The following PPP2R2A variants were observed in gnomAD, a reference collection of about 807,000 sequenced individuals.
PPP2R2A encodes the protein protein phosphatase 2 regulatory subunit Balpha.
Under a neutral mutation model 53.2 loss-of-function variants are expected in PPP2R2A, and 9 were observed. The ratio of observed to expected loss-of-function variants is 0.17; its 90% CI spans 0.10 to 0.30. PPP2R2A has a LOEUF of 0.30. PPP2R2A is among the 10% of genes least tolerant of loss of function. PPP2R2A has a pLI of 1.00. For synonymous variants in PPP2R2A, 169 were observed against 174.2 expected (o/e 0.97, Z 0.23); for missense variants, 235 against 534.6 (o/e 0.44, Z 5.53).
At position 26,367,132 on chromosome 8, in the gene PPP2R2A, GGTGTT is replaced by G. The variant is rs1805416524; in HGVS notation, c.1064+731_1064+735del. Reference sequence around the variant, plus strand: ...GAGCTTAATATGATTCCGATTTCATGGTGTTGTGTGTTACAGAGGATAATAGAACT... The same window carrying G: ...GAGCTTAATATGATTCCGATTTCATGGTGTGTTACAGAGGATAATAGAACT... On this transcript the variant is annotated intron_variant, in intron 9 of 9. Transcript: ENST00000380737. 5.3e-5 allele frequency among the ~76,000 whole-genome samples: 8 copies of G among 152,074 alleles called. No individual in the cohort carries two copies. The South Asian group carries it at 1.7e-3, about 32-fold the overall frequency.
chr8:26,322,342 C>T (rs58828241), intron 2 of PPP2R2A, among the ~76,000 whole-genome samples: 4,038 of 152,238 alleles, frequency 0.027, 176 homozygotes, highest in African/African-American at 0.093. Flanking sequence ...GCATTGTGCA[C>T]GTTTCAGGTG....
chr8:26,352,351 CAAAGTGTTAGGA>C (rs1442094142), intron 3 of PPP2R2A, among the ~76,000 whole-genome samples: 3 of 152,200 alleles, frequency 2.0e-5, no homozygotes, highest in African/African-American at 7.2e-5. Context: ...CATCCCCTCC[CAAAGTGTTAGGA>C]AAAGTCTGCT....
chr8:26,299,217 G>A (rs1281618048), intron 2 of PPP2R2A, among the ~76,000 whole-genome samples: 3 of 151,708 alleles, frequency 2.0e-5, no homozygotes, highest in African/African-American at 7.3e-5. Context: ...GGCTGTGATT[G>A]TGCCACTGGT....
intron 3 of PPP2R2A, 124 bp downstream of exon 3, chr8:26,339,111 A>C (rs1252697122): frequency 1.4e-6 from 1 of 694,726 alleles, no homozygotes; most frequent in African/African-American, 1.8e-5. Flanking sequence ...ATTGAATACA[A>C]TGTCCAATAT....
In PPP2R2A at chr8:26,362,948, AAC is replaced by A. The variant is rs1805186402; in HGVS notation, c.802+101_802+102del. On this transcript the variant is annotated intron_variant, in intron 7 of 9. Transcript: ENST00000380737. The surrounding 1 kb of genome is among the most constrained non-coding windows in gnomAD (Gnocchi z 4.4). Reference sequence around the variant, plus strand: ...ACAATTACAGAGGTTCAAAGTCTTAAACCCGTGTGTCCAGAGCCACTTGTACC... The same window carrying A: ...ACAATTACAGAGGTTCAAAGTCTTAACCGTGTGTCCAGAGCCACTTGTACC... 1 of 1,188,458 alleles carries A rather than the reference AAC, an allele frequency of 8.4e-7. No individual in the cohort carries two copies. The highest frequency in any genetic ancestry group is 1.4e-5 in the South Asian group (1 of 73,420). The allele number at this position is 1,188,458 out of a possible 1,614,324, so 73.6% of individuals were successfully genotyped here. A position where few individuals can be genotyped will look rare whatever the true frequency, so the allele number is the denominator to read the frequency against.
intron 1 of PPP2R2A, 96 bp downstream of exon 1, chr8:26,291,922 C>A: frequency 6.5e-7 from 1 of 1,531,696 alleles, no homozygotes. Flanking sequence ...CGCGCAGAGC[C>A]ACAGGGCGCC....
rs1802845796 is a variant in PPP2R2A at position 26,321,621 on chromosome 8, A to C, written c.83-17269A>C. Among the ~76,000 whole-genome samples, 1 of 152,180 alleles carries C rather than the reference A, an allele frequency of 6.6e-6. No individual in the cohort carries two copies. The highest frequency in any genetic ancestry group is 2.4e-5 in the African/African-American group (1 of 41,454). On this transcript the variant is annotated intron_variant, in intron 2 of 9. Transcript: ENST00000380737. The surrounding 1 kb of genome is among the most constrained non-coding windows in gnomAD (Gnocchi z 4.1). ...TGGTTCCCTGTGGAGCTCACATGTC[A>C]AGGATCTGTTGTCTCTGGCCAACAG...
intron 2 of PPP2R2A, among the ~76,000 whole-genome samples, chr8:26,301,211 G>A (rs953167890): frequency 2.0e-5 from 3 of 151,796 alleles, no homozygotes; most frequent in Non-Finnish European, 4.4e-5. Context: ...TGCAACTCCT[G>A]TTTATAACAA....
intron 9 of PPP2R2A, among the ~76,000 whole-genome samples, chr8:26,369,426 A>G (rs1190664910): frequency 7.3e-6 from 1 of 136,250 alleles, no homozygotes; most frequent in Non-Finnish European, 1.6e-5. Context: ...AGTCTTGCTC[A>G]GTTGCCCAGG....
intron 9 of PPP2R2A, among the ~76,000 whole-genome samples, chr8:26,369,425 CA>C (rs1246392106): frequency 6.6e-6 from 1 of 151,296 alleles, no homozygotes; most frequent in African/African-American, 2.4e-5. Flanking sequence ...GAGTCTTGCT[CA>C]GTTGCCCAGG....
At chr8:26,341,777 A>G (rs759721540) in intron 3 of PPP2R2A, among the ~76,000 whole-genome samples, 1 of 152,168 alleles carries the variant, frequency 6.6e-6, no homozygotes, top group Non-Finnish European at 1.5e-5. Flanking sequence ...ACTTTACTGG[A>G]GACCAAAATA....
At chr8:26,366,254 A>C in intron 8 of PPP2R2A, 61 bp from the exon 9 acceptor site, 1 of 1,353,600 alleles carries the variant, frequency 7.4e-7, no homozygotes, top group Non-Finnish European at 1.0e-6. Context: ...CTTTTTAAAG[A>C]TATGGACTTG....
In PPP2R2A at chr8:26,310,315, G is replaced by A. The variant is rs35169073; in HGVS notation, c.82+16575G>A. Among the ~76,000 whole-genome samples the A allele has an allele frequency of 8.3e-3, 1,006 of 120,664 alleles. 14 individuals are homozygous for A. The highest frequency in any genetic ancestry group is 0.014 in the Non-Finnish European group (840 of 58,662). 79.2% of individuals were successfully genotyped at this position (120,664 alleles called of 152,430 possible). ...AAAAAAAAAACACAGTGTCTATGAA[G>A]CACAATAAAAGTATGCCTGTATAAT... On this transcript the variant is annotated intron_variant, in intron 2 of 9. Transcript: ENST00000380737.
chr8:26,330,800 G>A (rs115693300), intron 2 of PPP2R2A, among the ~76,000 whole-genome samples: 118 of 152,300 alleles, frequency 7.7e-4, no homozygotes, highest in African/African-American at 2.8e-3. Context: ...TTGGAAACCA[G>A]ACAGTGTGAA....
rs1174842619 is a variant in PPP2R2A at position 26,333,666 on chromosome 8, C to T, written c.83-5224C>T. On this transcript the variant is annotated intron_variant, in intron 2 of 9. Transcript: ENST00000380737. ...TTATATATACTATTTGTGAATTTCC[C>T]CTTGCTGATTTTTATACTGAGAGTT... The T allele has an allele frequency of 7.9e-5, 44 of 556,866 alleles. No homozygotes were observed. In the Admixed American group the frequency reaches 2.0e-3, roughly 25 times the overall value. 34.5% of individuals were successfully genotyped at this position (556,866 alleles called of 1,614,324 possible). A position where few individuals can be genotyped will look rare whatever the true frequency, so the allele number is the denominator to read the frequency against.
chr8:26,366,219 A>T (rs185228804), intron 8 of PPP2R2A, 96 bp from the exon 9 acceptor site: 21 of 864,702 alleles, frequency 2.4e-5, no homozygotes, highest in Middle Eastern at 3.0e-4. Flanking sequence ...AGGTGTGTGT[A>T]TGTGTCTGTA....
chr8:26,329,698 A>G (rs527632395), intron 2 of PPP2R2A, among the ~76,000 whole-genome samples: 1 of 152,332 alleles, frequency 6.6e-6, no homozygotes, highest in Non-Finnish European at 1.5e-5. Flanking sequence ...GATGCTGGAA[A>G]AAAGCTTGGT....
At position 26,314,497 on chromosome 8, in the gene PPP2R2A, G is replaced by A. The variant is rs1373540552; in HGVS notation, c.82+20757G>A. ...TTGTTTTATGCTATTATTTTGGGAT[G>A]GTGCACAGTATCCAGTGCTTTATGG... On this transcript the variant is annotated intron_variant, in intron 2 of 9. Coordinates refer to ENST00000380737, the MANE Select transcript of PPP2R2A (RefSeq NM_002717.4). Among the ~76,000 whole-genome samples, 6 of 152,114 alleles carry A rather than the reference G, an allele frequency of 3.9e-5. No individual in the cohort carries two copies. The East Asian group carries it at 1.2e-3, about 29-fold the overall frequency.
At chr8:26,353,673 T>C (rs1056118381) in intron 3 of PPP2R2A, among the ~76,000 whole-genome samples, 28 of 152,236 alleles carry the variant, frequency 1.8e-4, no homozygotes, top group African/African-American at 6.3e-4. Flanking sequence ...TTTGCTGAGA[T>C]ATTAATGCTA....
Sources: allele counts gnomAD v4.1 joint callset (sites outside exome capture counted in the v4.1 genomes callset), GRCh38; gene constraint gnomAD v4.1.1; non-coding constraint Gnocchi (gnomAD v3.1); transcripts MANE v1.5; gene names NCBI Gene and HGNC (gene_info 2026-07-23, HGNC 2026-07-21).